Variants in SLC44A5 observed in about 807,000 individuals in gnomAD.
The protein encoded by SLC44A5 is choline transporter-like protein 5.
SLC44A5 carries 57 observed loss-of-function variants against 101.8 expected under a neutral mutation model. The ratio of observed to expected loss-of-function variants is 0.56; its 90% CI spans 0.45 to 0.70. The LOEUF (loss-of-function observed/expected upper bound fraction) is 0.70. SLC44A5 is among the 30% of genes least tolerant of loss of function. SLC44A5 has a pLI of 0.00. For synonymous variants in SLC44A5, 281 were observed against 290.9 expected (o/e 0.97, Z 0.35); for missense variants, 737 against 853.1 (o/e 0.86, Z 1.70).
intron 4 of SLC44A5, among the ~76,000 whole-genome samples, chr1:75,304,648 T>A (rs1418581293): frequency 6.6e-6 from 1 of 152,212 alleles, no homozygotes; most frequent in African/African-American, 2.4e-5. Context: ...TTGGGATAGT[T>A]CTCAGAACTC....
At chr1:75,390,636 C>T (rs1382342427) in intron 3 of SLC44A5, among the ~76,000 whole-genome samples, 1 of 152,094 alleles carries the variant, frequency 6.6e-6, no homozygotes, top group Non-Finnish European at 1.5e-5. Flanking sequence ...AATAAAAACT[C>T]TCAGTTTTTT....
At chr1:75,400,753 C>A (rs536292161) in intron 2 of SLC44A5, among the ~76,000 whole-genome samples, 4 of 152,138 alleles carry the variant, frequency 2.6e-5, no homozygotes, top group Non-Finnish European at 5.9e-5. Flanking sequence ...TTCTGCCAAC[C>A]CTGAAGACTG....
At chr1:75,617,406 C>T in the SLC44A5 span, among the ~76,000 whole-genome samples, 2 of 152,078 alleles carry the variant, frequency 1.3e-5, no homozygotes, top group Non-Finnish European at 2.9e-5. Context: ...GAATTCTGGC[C>T]CTGTAACTTC....
At chr1:75,702,792 T>G in the SLC44A5 span, among the ~76,000 whole-genome samples, 1 of 151,924 alleles carries the variant, frequency 6.6e-6, no homozygotes, top group African/African-American at 2.4e-5. Context: ...GAATCTACAA[T>G]GAACTCCAAC....
intron 3 of SLC44A5, among the ~76,000 whole-genome samples, chr1:75,365,433 G>T (rs552834382): frequency 6.6e-6 from 1 of 152,218 alleles, no homozygotes; most frequent in African/African-American, 2.4e-5. Flanking sequence ...TTGGTTTTCT[G>T]TTCCTGCATT....
At chr1:75,558,656 T>C (rs886424176) in intron 1 of SLC44A5, among the ~76,000 whole-genome samples, 2 of 152,086 alleles carry the variant, frequency 1.3e-5, no homozygotes, top group Non-Finnish European at 2.9e-5. Flanking sequence ...GAACGATGCA[T>C]CATTTTCTTT....
At chr1:75,489,824 CT>C (rs1327784007) in intron 2 of SLC44A5, among the ~76,000 whole-genome samples, 3 of 152,120 alleles carry the variant, frequency 2.0e-5, no homozygotes, top group African/African-American at 7.2e-5. Context: ...GATGTACTCA[CT>C]TTTAATAGTA....
chr1:75,517,408 T>C (rs1166443328), intron 2 of SLC44A5, among the ~76,000 whole-genome samples: 2 of 151,392 alleles, frequency 1.3e-5, no homozygotes, highest in Non-Finnish European at 2.9e-5. Flanking sequence ...AAAAAGACCT[T>C]GTGACCCAAA....
chr1:75,592,048 A>T (rs1674385223), intron 1 of SLC44A5, among the ~76,000 whole-genome samples: 5 of 152,164 alleles, frequency 3.3e-5, no homozygotes, highest in Admixed American at 3.3e-4. Flanking sequence ...GACAAGAGAA[A>T]AATATAAAGG....
intron 7 of SLC44A5, among the ~76,000 whole-genome samples, chr1:75,243,816 A>G (rs895574930): frequency 6.6e-6 from 1 of 152,040 alleles, no homozygotes; most frequent in African/African-American, 2.4e-5. Flanking sequence ...ATGCAGCAGC[A>G]CCCTGTTCTT....
Position 75,579,826 on chromosome 1 carries a change from T to TACACACACACACAC in SLC44A5, c.-70+31200_-70+31213dup, listed in dbSNP as rs6143284. ...TTGGAGAAGACAAAATTCAACTATC[T>TACACACACACACAC]ACACACACACACACACAAACTAGTC... On this transcript the variant is annotated intron_variant, in intron 1 of 23. Transcript: ENST00000370859. 4.8e-3 allele frequency among the ~76,000 whole-genome samples: 721 copies of TACACACACACACAC among 150,048 alleles called. 4 individuals carry two copies. The highest frequency in any genetic ancestry group is 0.015 in the African/African-American group (602 of 40,992).
intron 4 of SLC44A5, among the ~76,000 whole-genome samples, chr1:75,311,060 G>A (rs1655256966): frequency 6.6e-6 from 1 of 151,442 alleles, no homozygotes; most frequent in African/African-American, 2.4e-5. Context: ...GACATAAAAT[G>A]TATCACAAAC....
chr1:75,518,524 T>A (rs938670763), intron 2 of SLC44A5, among the ~76,000 whole-genome samples: 1 of 152,180 alleles, frequency 6.6e-6, no homozygotes, highest in African/African-American at 2.4e-5. Context: ...TGATCCATAC[T>A]GAGTACTCAA....
intron 1 of SLC44A5, among the ~76,000 whole-genome samples, chr1:75,586,914 T>TG (rs1674037023): frequency 6.6e-6 from 1 of 151,686 alleles, no homozygotes; most frequent in Admixed American, 6.6e-5. Flanking sequence ...GTGATTTTTT[T>TG]TTTAAGTCTT....
chr1:75,433,835 A>T (rs1275509601), intron 2 of SLC44A5, among the ~76,000 whole-genome samples: 2 of 152,178 alleles, frequency 1.3e-5, no homozygotes, highest in Non-Finnish European at 2.9e-5. Flanking sequence ...TCACAGTTCC[A>T]CATGGCTGAG....
At chr1:75,388,317 C>T (rs946548046) in intron 3 of SLC44A5, among the ~76,000 whole-genome samples, 11 of 148,542 alleles carry the variant, frequency 7.4e-5, no homozygotes, top group African/African-American at 2.0e-4. Context: ...TAAAGGAGTT[C>T]TAAATGTGGA....
intron 3 of SLC44A5, among the ~76,000 whole-genome samples, chr1:75,353,110 T>C (rs1190626052): frequency 6.6e-6 from 1 of 152,174 alleles, no homozygotes; most frequent in African/African-American, 2.4e-5. Flanking sequence ...CATATGTATG[T>C]TCTCTCTCAC....
At chr1:75,421,527 G>A (rs1185893577) in intron 2 of SLC44A5, among the ~76,000 whole-genome samples, 4 of 152,080 alleles carry the variant, frequency 2.6e-5, no homozygotes, top group Admixed American at 6.6e-5. Context: ...CTGCACTGTG[G>A]TGTGCTATGG....
chr1:75,480,362 T>A (rs1667759717), intron 2 of SLC44A5, among the ~76,000 whole-genome samples: 1 of 152,194 alleles, frequency 6.6e-6, no homozygotes, highest in Non-Finnish European at 1.5e-5. Flanking sequence ...ATGCTCTTTC[T>A]CACCACCCCT....
Sources: allele counts gnomAD v4.1 joint callset (sites outside exome capture counted in the v4.1 genomes callset), GRCh38; gene constraint gnomAD v4.1.1; transcripts MANE v1.5; gene names NCBI Gene and HGNC (gene_info 2026-07-23, HGNC 2026-07-21).